ARHGAP29: variants seen among roughly 807,000 people sequenced by gnomAD.
The protein encoded by ARHGAP29 is Rho GTPase activating protein 29, also known as rho GTPase-activating protein 29.
A neutral mutation model predicts 122.6 loss-of-function variants in ARHGAP29; 43 were observed. That is an observed-to-expected ratio of 0.35 (90% CI 0.27 to 0.45). The LOEUF (loss-of-function observed/expected upper bound fraction) is 0.45. Ranked by LOEUF, ARHGAP29 falls within the 20% of genes least tolerant of loss-of-function variation. The probability of loss-of-function intolerance (pLI) is 1.00; values close to 1 mark genes in which losing one functional copy is unlikely to be tolerated. For synonymous variants in ARHGAP29, 506 were observed against 497.1 expected, an observed-to-expected ratio of 1.02 and a Z score of -0.24; for missense variants, 1,303 against 1,477.2, an observed-to-expected ratio of 0.88 and a Z score of 1.93.
chr1:94,275,910 T>A (rs760002792), upstream of ARHGAP29, among the ~76,000 whole-genome samples: 15 of 151,936 alleles, frequency 9.9e-5, no homozygotes, highest in Non-Finnish European at 1.8e-4. Context: ...AATCAGGGCA[T>A]TTGGGTAGAA....
intron 1 of ARHGAP29, among the ~76,000 whole-genome samples, chr1:94,262,797 T>C (rs1030662253): frequency 6.6e-6 from 1 of 152,200 alleles, no homozygotes; most frequent in Non-Finnish European, 1.5e-5. Context: ...TTGTACATTG[T>C]TGGTGGGAGT....
chr1:94,282,223 G>A, the ARHGAP29 span, among the ~76,000 whole-genome samples: 1 of 151,618 alleles, frequency 6.6e-6, no homozygotes, highest in South Asian at 2.1e-4. Flanking sequence ...TAATCCAATA[G>A]GCTTGGGGAC....
At chr1:94,245,105 G>A (rs1653739479) in intron 1 of ARHGAP29, among the ~76,000 whole-genome samples, 2 of 152,288 alleles carry the variant, frequency 1.3e-5, no homozygotes, top group Admixed American at 1.3e-4. Flanking sequence ...AAGTGTTGGT[G>A]AGGATGTAGG....
chr1:94,292,782 A>G, the ARHGAP29 span, among the ~76,000 whole-genome samples: 1 of 152,240 alleles, frequency 6.6e-6, no homozygotes, highest in Non-Finnish European at 1.5e-5. Flanking sequence ...TATCACCAGC[A>G]GAGGCTGCAG....
At chr1:94,248,712 G>C (rs1457434817) in intron 1 of ARHGAP29, among the ~76,000 whole-genome samples, 1 of 152,274 alleles carries the variant, frequency 6.6e-6, no homozygotes, top group South Asian at 2.1e-4. Context: ...GTTTTGTTTT[G>C]TTTTAGAGAG....
At chr1:94,311,543 A>T in the ARHGAP29 span, among the ~76,000 whole-genome samples, 1 of 152,202 alleles carries the variant, frequency 6.6e-6, no homozygotes, top group Non-Finnish European at 1.5e-5. Flanking sequence ...GAGGGGTAAG[A>T]GAAAAATGGG....
chr1:94,212,527 C>T (rs1392533750), intron 3 of ARHGAP29, among the ~76,000 whole-genome samples: 1 of 152,108 alleles, frequency 6.6e-6, no homozygotes. Context: ...TAACTTTAAG[C>T]TGTTAAAAAA....
chr1:94,193,468 A>C (rs914337604), intron 12 of ARHGAP29: 1 of 152,192 alleles, frequency 6.6e-6, no homozygotes, highest in African/African-American at 2.4e-5. Flanking sequence ...CCAAAACAGG[A>C]AAAACAGCAA....
intron 19 of ARHGAP29, among the ~76,000 whole-genome samples, chr1:94,183,070 C>T (rs896388313): frequency 1.3e-5 from 2 of 152,024 alleles, no homozygotes; most frequent in African/African-American, 2.4e-5. Flanking sequence ...AATGAATGTT[C>T]CCAACACAAA....
chr1:94,248,943 G>C (rs1653965595), intron 1 of ARHGAP29, among the ~76,000 whole-genome samples: 1 of 152,138 alleles, frequency 6.6e-6, no homozygotes, highest in African/African-American at 2.4e-5. Flanking sequence ...CAAACTCCTG[G>C]CCTCAAGGGA....
intron 3 of ARHGAP29, among the ~76,000 whole-genome samples, chr1:94,210,490 A>G (rs1651517896): frequency 6.6e-6 from 1 of 152,250 alleles, no homozygotes; most frequent in Non-Finnish European, 1.5e-5. Context: ...CTTCAAGCCT[A>G]TAAATCCCAT....
chr1:94,181,343 G>T (rs1386277704), intron 19 of ARHGAP29, among the ~76,000 whole-genome samples: 1 of 152,124 alleles, frequency 6.6e-6, no homozygotes, highest in African/African-American at 2.4e-5. Flanking sequence ...AAGTCTCAAG[G>T]TTTCTTCTCC....
At chr1:94,257,718 AAGG>A (rs1654415453) in intron 1 of ARHGAP29, among the ~76,000 whole-genome samples, 1 of 152,066 alleles carries the variant, frequency 6.6e-6, no homozygotes, top group Non-Finnish European at 1.5e-5. Flanking sequence ...CAAGAAGAAG[AAGG>A]AGAAGGAGAA....
At chr1:94,224,982 C>G (rs1288106206) in intron 2 of ARHGAP29, among the ~76,000 whole-genome samples, 1 of 152,072 alleles carries the variant, frequency 6.6e-6, no homozygotes, top group Non-Finnish European at 1.5e-5. Context: ...CTGAAGCCCA[C>G]AAATCAACAG....
the ARHGAP29 span, among the ~76,000 whole-genome samples, chr1:94,286,966 T>G: frequency 2.7e-3 from 414 of 152,250 alleles, 3 homozygotes; most frequent in African/African-American, 9.5e-3. Context: ...ATTACGACAC[T>G]ATCAACCTGG....
At chr1:94,253,127 C>G (rs954921196) in intron 1 of ARHGAP29, among the ~76,000 whole-genome samples, 4 of 152,088 alleles carry the variant, frequency 2.6e-5, no homozygotes, top group African/African-American at 7.2e-5. Context: ...CATGCCACCA[C>G]AGCCGGCTAA....
the ARHGAP29 span, among the ~76,000 whole-genome samples, chr1:94,288,819 G>A: frequency 1.3e-5 from 2 of 152,124 alleles, no homozygotes; most frequent in Admixed American, 1.3e-4. Flanking sequence ...GATGTGTGGT[G>A]TTATTTCTGA....
intron 12 of ARHGAP29, among the ~76,000 whole-genome samples, chr1:94,198,671 T>C (rs894123868): frequency 1.3e-5 from 2 of 152,202 alleles, no homozygotes; most frequent in African/African-American, 2.4e-5. Flanking sequence ...GATTTTTTTT[T>C]CTTAATCAAA....
chr1:94,201,356 A>G (rs1170183786), intron 12 of ARHGAP29, among the ~76,000 whole-genome samples: 1 of 152,156 alleles, frequency 6.6e-6, no homozygotes, highest in Non-Finnish European at 1.5e-5. Context: ...AACTCAACAC[A>G]TTTCATTAAT....
Sources: gnomAD v4.1 joint callset for allele counts (sites outside exome capture counted in the v4.1 genomes callset) on GRCh38, gnomAD v4.1.1 for gene constraint, MANE v1.5 for transcripts, NCBI Gene and HGNC (gene_info 2026-07-23, HGNC 2026-07-21) for gene names.